Variants in PPP1R13B observed in about 807,000 individuals in gnomAD.
PPP1R13B encodes apoptosis-stimulating of p53 protein 1.
Under a neutral mutation model 119.8 loss-of-function variants are expected in PPP1R13B, and 44 were observed. That is an observed-to-expected ratio of 0.37 (90% CI 0.29 to 0.47). The LOEUF is 0.47. PPP1R13B is among the 20% of genes least tolerant of loss of function. PPP1R13B has a pLI of 0.99. For synonymous variants in PPP1R13B, 542 were observed against 561.5 expected (o/e 0.97, Z 0.49); for missense variants, 1,227 against 1,413.5 (o/e 0.87, Z 2.12).
intron 1 of PPP1R13B, among the ~76,000 whole-genome samples, chr14:103,834,549 A>C (rs1313061930): frequency 6.6e-6 from 1 of 151,694 alleles, no homozygotes; most frequent in African/African-American, 2.4e-5. Context: ...GGAAAACAGA[A>C]AGCACTGCAC....
Position 103,738,803 on chromosome 14 carries a change from G to T in PPP1R13B, c.2740C>A (p.Pro914Thr), listed in dbSNP as rs1457348765. Residue 914 changes from proline to threonine, a missense_variant, in exon 14 of 17, where the codon CCC becomes ACC. Coordinates refer to ENST00000202556, the MANE Select transcript of PPP1R13B (RefSeq NM_015316.3). The surrounding 1 kb of genome is among the most constrained non-coding windows in gnomAD (Gnocchi z 5.6). Reference sequence around the variant, plus strand: ...ATCCCTTCGTCGTTGGGCTTGCTGGGATCTTCCACCTAGGACACACGGCCT... The same window carrying T: ...ATCCCTTCGTCGTTGGGCTTGCTGGTATCTTCCACCTAGGACACACGGCCT... ...VQRIIYEVED[P>T]SKPNDEGITP... 3 of 1,614,106 alleles carry T rather than the reference G, an allele frequency of 1.9e-6. No individual in the cohort carries two copies. The Admixed American group carries it at 5.0e-5, about 27-fold the overall frequency.
Position 103,740,100 on chromosome 14 carries a change from G to A in PPP1R13B, c.2316C>T (p.Leu772=), listed in dbSNP as rs2084215525. The part of the protein sequence containing the change: ...NTNANGNLEE[L]PPAQPTAPLP... ...GTGGGGCTGTGGGCTGGGCAGGGGG[G>A]AGCTCTTCCAGGTTTCCATTGGCAT... is the stretch of plus-strand genomic sequence containing the variant. The change falls in exon 12 of 17, where the codon CTC becomes CTT. Residue 772 remains leucine (L), a synonymous_variant. Transcript: ENST00000202556. The surrounding 1 kb of genome is among the most constrained non-coding windows in gnomAD (Gnocchi z 4.6). The A allele has an allele frequency of 1.2e-6, 2 of 1,613,730 alleles. No individual in the cohort carries two copies. The highest frequency in any genetic ancestry group is 1.3e-5 in the African/African-American group (1 of 75,014).
At chr14:103,847,136 C>T in intron 1 of PPP1R13B, 163 bp downstream of exon 1, 1 of 980,932 alleles carries the variant, frequency 1.0e-6, no homozygotes, top group Non-Finnish European at 1.2e-6. Context: ...CCCCACCTGC[C>T]CGCCTGGGGG....
chr14:103,789,231 T>G (rs180984127), intron 2 of PPP1R13B, among the ~76,000 whole-genome samples: 3,051 of 152,078 alleles, frequency 0.02, 98 homozygotes, highest in East Asian at 0.11. Flanking sequence ...AATTTTTTTT[T>G]TGGGGGGGAT....
intron 8 of PPP1R13B, among the ~76,000 whole-genome samples, chr14:103,748,151 A>G (rs979407498): frequency 6.6e-6 from 1 of 151,968 alleles, no homozygotes; most frequent in African/African-American, 2.4e-5. Flanking sequence ...TTCTCTAGGA[A>G]GCCCTGACTA....
chr14:103,759,728 C>T (rs928072558), intron 4 of PPP1R13B, among the ~76,000 whole-genome samples: 6 of 151,784 alleles, frequency 4.0e-5, no homozygotes, highest in African/African-American at 1.5e-4. Flanking sequence ...TGGTCTCCCC[C>T]ACCAAAGGCT....
intron 4 of PPP1R13B, among the ~76,000 whole-genome samples, chr14:103,778,103 C>A (rs1342810807): frequency 1.3e-5 from 2 of 151,284 alleles, no homozygotes; most frequent in Non-Finnish European, 2.9e-5. Context: ...AGGCGCCCAC[C>A]ACCACGCCCA....
intron 1 of PPP1R13B, among the ~76,000 whole-genome samples, chr14:103,839,518 TCG>T (rs1438942423): frequency 6.6e-6 from 1 of 151,360 alleles, no homozygotes; most frequent in Non-Finnish European, 1.5e-5. Flanking sequence ...TCCCAGCTAC[TCG>T]AGAGGCTGAG....
rs552598202 is a variant in PPP1R13B at position 103,735,595 on chromosome 14, G to A, written c.3232-400C>T. Among the ~76,000 whole-genome samples the A allele has an allele frequency of 5.9e-5, 9 of 152,334 alleles. No individual in the cohort carries two copies. In the East Asian group the frequency reaches 1.7e-3, roughly 29 times the overall value. On this transcript the variant is annotated intron_variant, in intron 16 of 16. Transcript: ENST00000202556. The stretch of plus-strand genomic sequence containing the variant: ...AGGCAGCTCCCTCTGCCAGAGGACT[G>A]AGGGAATCACAAGTCCAACACAGAG...
chr14:103,786,765 T>TAAAAA (rs1244887341), intron 2 of PPP1R13B, among the ~76,000 whole-genome samples: 1 of 26,520 alleles, frequency 3.8e-5, no homozygotes, highest in Non-Finnish European at 6.4e-5. Flanking sequence ...AAACTCTGTC[T>TAAAAA]CAAAAAAAAA....
At chr14:103,815,339 T>C (rs186967979) in intron 1 of PPP1R13B, among the ~76,000 whole-genome samples, 23 of 152,286 alleles carry the variant, frequency 1.5e-4, no homozygotes, top group African/African-American at 5.1e-4. Flanking sequence ...GATGAAAATA[T>C]AAAACTAGAT....
intron 4 of PPP1R13B, among the ~76,000 whole-genome samples, chr14:103,765,986 T>TTTATTATTA (rs56171368): frequency 0.066 from 9,157 of 138,940 alleles, 441 homozygotes; most frequent in African/African-American, 0.14. Flanking sequence ...AAATTTTTAT[T>TTTATTATTA]TTATTATTAT....
intron 1 of PPP1R13B, among the ~76,000 whole-genome samples, chr14:103,841,313 C>T (rs1298711104): frequency 6.6e-6 from 1 of 151,762 alleles, no homozygotes; most frequent in African/African-American, 2.4e-5. Context: ...TTAGGCTGGG[C>T]GCGGTGGCTC....
chr14:103,841,687 C>T (rs1318682856), intron 1 of PPP1R13B, among the ~76,000 whole-genome samples: 1 of 152,144 alleles, frequency 6.6e-6, no homozygotes, highest in African/African-American at 2.4e-5. Flanking sequence ...TATCAAGTCA[C>T]CTAATTCTTA....
chr14:103,785,020 C>CA, intron 2 of PPP1R13B, 106 bp from the exon 3 acceptor site: 2 of 925,578 alleles, frequency 2.2e-6, no homozygotes, highest in Non-Finnish European at 3.0e-6. Context: ...ACATGTATGT[C>CA]TACATGTTAC....
rs549998458 is a variant in PPP1R13B, at chr14:103,807,563, C to T, written c.10-10045G>A. Reference sequence around the variant, plus strand: ...AGGCTGGACTGCAGTGGCGCGATCTCGGCTCACTGCAAGCTCTGCCTTCCG... The same window carrying T: ...AGGCTGGACTGCAGTGGCGCGATCTTGGCTCACTGCAAGCTCTGCCTTCCG... On this transcript the variant is annotated intron_variant, in intron 1 of 16. Coordinates refer to ENST00000202556, the MANE Select transcript of PPP1R13B (RefSeq NM_015316.3). 4.6e-5 allele frequency among the ~76,000 whole-genome samples: 7 copies of T among 152,224 alleles called. No individual in the cohort carries two copies. The South Asian group carries it at 6.2e-4, about 14-fold the overall frequency.
intron 15 of PPP1R13B, 135 bp downstream of exon 15, chr14:103,737,559 G>A (rs2084144542): frequency 8.6e-7 from 1 of 1,163,778 alleles, no homozygotes; most frequent in African/African-American, 1.6e-5. Context: ...CTGGGTGACA[G>A]AATGAGACCT....
chr14:103,785,384 A>G (rs1417527253), intron 2 of PPP1R13B, among the ~76,000 whole-genome samples: 1 of 152,036 alleles, frequency 6.6e-6, no homozygotes, highest in Non-Finnish European at 1.5e-5. Flanking sequence ...GTGCCCAGCT[A>G]ATTTTTTGTA....
At chr14:103,801,727 G>A (rs1056948803) in intron 1 of PPP1R13B, among the ~76,000 whole-genome samples, 1 of 151,924 alleles carries the variant, frequency 6.6e-6, no homozygotes, top group African/African-American at 2.4e-5. Flanking sequence ...AGGACCTGAC[G>A]CATAGGAGGC....
Sources: allele counts gnomAD v4.1 joint callset (sites outside exome capture counted in the v4.1 genomes callset), GRCh38; gene constraint gnomAD v4.1.1; non-coding constraint Gnocchi (gnomAD v3.1); transcripts MANE v1.5; gene names NCBI Gene and HGNC (gene_info 2026-07-23, HGNC 2026-07-21).